NRG3: variants seen among roughly 807,000 people sequenced by gnomAD.
NRG3 encodes the protein neuregulin 3.
NRG3 carries 31 observed loss-of-function variants against 66.9 expected under a neutral mutation model. The ratio of observed to expected loss-of-function variants is 0.46; its 90% CI spans 0.35 to 0.63. NRG3 has a LOEUF of 0.63. Among genes scored for constraint, NRG3 ranks in the 20% least tolerant of loss-of-function variants. NRG3 has a pLI of 0.00. For missense variants in NRG3, 910 were observed against 878.9 expected (o/e 1.04, Z -0.45); for synonymous variants, 393 against 359.4 (o/e 1.09, Z -1.06).
intron 1 of NRG3, among the ~76,000 whole-genome samples, chr10:82,325,286 A>G (rs528798173): frequency 6.6e-6 from 1 of 151,900 alleles, no homozygotes; most frequent in Non-Finnish European, 1.5e-5. Context: ...GGCTCAAGAG[A>G]TTCTGCCATG....
intron 3 of NRG3, among the ~76,000 whole-genome samples, chr10:82,862,083 T>G (rs2064157177): frequency 6.6e-6 from 1 of 152,148 alleles, no homozygotes; most frequent in Non-Finnish European, 1.5e-5. Flanking sequence ...ACTTGTCCTG[T>G]GTGTAAAGCT....
chr10:82,921,589 A>G (rs1241079722), intron 4 of NRG3, among the ~76,000 whole-genome samples: 5 of 152,214 alleles, frequency 3.3e-5, no homozygotes, highest in African/African-American at 7.2e-5. Context: ...GCCTAAAACT[A>G]TTCTAAAATA....
At position 82,799,526 on chromosome 10, in the gene NRG3, CA is replaced by C. The variant is rs67074946; in HGVS notation, c.1027+60892del. Among the ~76,000 whole-genome samples the C allele has an allele frequency of 3.2e-3, 354 of 109,616 alleles. 1 individual carries two copies. The highest frequency in any genetic ancestry group is 6.3e-3 in the African/African-American group (194 of 31,002). The allele number at this position is 109,616 out of a possible 152,430, so 71.9% of individuals were successfully genotyped here. ...GGGTGACAAGAGCGAAATTCCGTCT[CA>C]AAAAAAAAAAAAAAAGACATTTCAG... On this transcript the variant is annotated intron_variant, in intron 3 of 8. Transcript: ENST00000372141.
chr10:82,916,256 A>T (rs1457149675), intron 4 of NRG3, among the ~76,000 whole-genome samples: 1 of 152,176 alleles, frequency 6.6e-6, no homozygotes, highest in Non-Finnish European at 1.5e-5. Context: ...GTTCAAGACC[A>T]GCCTGGACAA....
At chr10:82,222,975 G>C (rs966092499) in intron 1 of NRG3, among the ~76,000 whole-genome samples, 5 of 152,170 alleles carry the variant, frequency 3.3e-5, no homozygotes, top group African/African-American at 1.2e-4. Context: ...TGGAAGTCAT[G>C]TTGCTTTTGA....
chr10:82,192,132 A>G (rs1038915957), intron 1 of NRG3, among the ~76,000 whole-genome samples: 4 of 152,118 alleles, frequency 2.6e-5, no homozygotes, highest in African/African-American at 9.7e-5. Flanking sequence ...TTAAGGGGAA[A>G]CGCCAGACTC....
chr10:82,532,720 T>G (rs1847414033), intron 2 of NRG3, among the ~76,000 whole-genome samples: 1 of 151,334 alleles, frequency 6.6e-6, no homozygotes, highest in Non-Finnish European at 1.5e-5. Context: ...TTGTGAATAG[T>G]GTTGCAATGC....
chr10:82,700,766 C>G (rs2246280), intron 2 of NRG3, among the ~76,000 whole-genome samples: 139,448 of 152,146 alleles, frequency 0.92, 63,960 homozygotes, highest in East Asian at 1. Context: ...TGGCATAAAT[C>G]GTAGTTTTAA....
intron 3 of NRG3, among the ~76,000 whole-genome samples, chr10:82,844,866 C>A (rs140175573): frequency 3.3e-5 from 5 of 152,130 alleles, no homozygotes; most frequent in Non-Finnish European, 7.4e-5. Context: ...ATTTAAAGGG[C>A]TTCACAGGCC....
intron 2 of NRG3, among the ~76,000 whole-genome samples, chr10:82,455,129 G>A (rs2091211468): frequency 6.6e-6 from 1 of 152,096 alleles, no homozygotes; most frequent in Non-Finnish European, 1.5e-5. Context: ...CTAGAGCCCA[G>A]GGCCATGATT....
intron 1 of NRG3, among the ~76,000 whole-genome samples, chr10:82,122,911 C>T (rs370398264): frequency 2.4e-3 from 360 of 152,128 alleles, no homozygotes; most frequent in Middle Eastern, 0.01. Context: ...ATCTCTCTTT[C>T]TGTCTCTTCC....
At chr10:82,385,005 C>G (rs548892527) in intron 2 of NRG3, among the ~76,000 whole-genome samples, 1 of 152,252 alleles carries the variant, frequency 6.6e-6, no homozygotes, top group South Asian at 2.1e-4. Context: ...TTTAATAAAA[C>G]CATTCTAACT....
chr10:82,192,965 AAGAAAGTG>A (rs1469711219), intron 1 of NRG3, among the ~76,000 whole-genome samples: 1 of 101,576 alleles, frequency 9.8e-6, no homozygotes, highest in African/African-American at 3.8e-5. Context: ...TGGAAGAAGG[AAGAAAGTG>A]AGAGAGAGAG....
intron 1 of NRG3, among the ~76,000 whole-genome samples, chr10:82,051,883 G>A (rs1375134321): frequency 1.3e-5 from 2 of 152,080 alleles, no homozygotes; most frequent in Non-Finnish European, 2.9e-5. Context: ...TTCTCATCCA[G>A]ATTATGGCAA....
chr10:81,934,463 T>C (rs1024511110), intron 1 of NRG3, among the ~76,000 whole-genome samples: 1 of 152,188 alleles, frequency 6.6e-6, no homozygotes, highest in African/African-American at 2.4e-5. Flanking sequence ...GTGACACACA[T>C]AAAGCTTCTA....
intron 2 of NRG3, among the ~76,000 whole-genome samples, chr10:82,557,771 C>T (rs369168502): frequency 3.9e-5 from 6 of 152,202 alleles, no homozygotes; most frequent in Middle Eastern, 3.4e-3. Flanking sequence ...TCCTGTAATA[C>T]GTGAATTTAT....
rs113912235 is a variant in NRG3, at chr10:82,383,598, C to A, written c.953+24730C>A. Among the ~76,000 whole-genome samples, 833 of 151,908 alleles carry A rather than the reference C, an allele frequency of 5.5e-3. 7 individuals are homozygous for A. Among genetic ancestry groups the A allele is most frequent in the African/African-American group, 0.02 (810 of 41,478 alleles). ...GTTGGTTGTTTTAATAGAATTGTTA[C>A]TATGTTTTTATTTATTTTCTCCTTC... On this transcript the variant is annotated intron_variant, in intron 2 of 8. Coordinates refer to ENST00000372141, the MANE Select transcript of NRG3 (RefSeq NM_001010848.4).
chr10:82,372,138 TA>T (rs1455723856), intron 2 of NRG3, among the ~76,000 whole-genome samples: 1 of 152,238 alleles, frequency 6.6e-6, no homozygotes, highest in Non-Finnish European at 1.5e-5. Flanking sequence ...AGAGCCTTTT[TA>T]TTTCTCATTT....
chr10:81,974,323 A>G (rs528793250), intron 1 of NRG3, among the ~76,000 whole-genome samples: 67 of 152,018 alleles, frequency 4.4e-4, no homozygotes, highest in South Asian at 6.2e-4. Flanking sequence ...ACAACCAGAG[A>G]AAAAAAAGAC....
Sources: gnomAD v4.1 joint callset for allele counts (sites outside exome capture counted in the v4.1 genomes callset) on GRCh38, gnomAD v4.1.1 for gene constraint, MANE v1.5 for transcripts, NCBI Gene and HGNC (gene_info 2026-07-23, HGNC 2026-07-21) for gene names.